FAM53C: variants seen among roughly 807,000 people sequenced by gnomAD.
FAM53C encodes the protein protein FAM53C.
FAM53C carries 10 observed loss-of-function variants against 34.7 expected under a neutral mutation model. The ratio of observed to expected loss-of-function variants is 0.29; its 90% CI spans 0.18 to 0.49. The LOEUF (loss-of-function observed/expected upper bound fraction) is 0.49. Ranked by LOEUF, FAM53C falls within the 20% of genes least tolerant of loss-of-function variation. The pLI is 0.99. For missense variants in FAM53C, 442 were observed against 515.3 expected (o/e 0.86, Z 1.38); for synonymous variants, 203 against 203.6 (o/e 1.00, Z 0.03).
Position 138,344,850 on chromosome 5 carries a change from C to A in FAM53C, c.162C>A (p.Pro54=). ...VSEGASWRGL[P]HCSCAEFQDS... ...AAGGTGCTTCCTGGAGGGGCCTGCC[C>A]CACTGTTCCTGTGCTGAGTTCCAGG... is the stretch of plus-strand genomic sequence containing the variant. The change falls in exon 4 of 5, where the codon CCC becomes CCA. Residue 54 remains proline (P), a synonymous_variant. Transcript: ENST00000239906. 2 of 1,577,842 alleles carry A rather than the reference C, an allele frequency of 1.3e-6. No homozygotes were observed. The highest frequency in any genetic ancestry group is 1.7e-6 in the Non-Finnish European group (2 of 1,161,278).
chr5:138,342,004 A>G, intron 3 of FAM53C, 138 bp downstream of exon 3: 1 of 745,580 alleles, frequency 1.3e-6, no homozygotes, highest in Admixed American at 2.1e-5. Flanking sequence ...TGAGATTGAC[A>G]GTTGTCTTTC....
At chr5:138,344,105 C>T (rs1761104334) in intron 3 of FAM53C, among the ~76,000 whole-genome samples, 1 of 152,162 alleles carries the variant, frequency 6.6e-6, no homozygotes, top group South Asian at 2.1e-4. Flanking sequence ...GTCCATTTTC[C>T]CTTCCTTCTC....
upstream of FAM53C, chr5:138,337,569 G>C (rs1282273775): frequency 9.9e-6 from 2 of 202,358 alleles, no homozygotes; most frequent in Admixed American, 1.3e-4. Context: ...AGAGAGAAGA[G>C]AGGGAGTGAA....
chr5:138,340,214 C>T (rs1385654813), intron 1 of FAM53C, among the ~76,000 whole-genome samples: 1 of 152,174 alleles, frequency 6.6e-6, no homozygotes, highest in Non-Finnish European at 1.5e-5. Context: ...TATGGGTAAA[C>T]TGAGGCCAAG....
At chr5:138,338,164 T>A, upstream of FAM53C, 1 of 1,289,582 alleles carries the variant, frequency 7.8e-7, no homozygotes, top group Non-Finnish European at 1.0e-6. Flanking sequence ...ATGGGTGGCT[T>A]GGGGGGATTC....
intron 3 of FAM53C, chr5:138,343,624 G>C (rs4835780): frequency 0.4 from 60,445 of 151,872 alleles, 12,317 homozygotes; most frequent in East Asian, 0.58. Context: ...ATTAATTACT[G>C]AGTTAAAGGG....
In FAM53C at chr5:138,347,266, C is replaced by T; in HGVS notation, c.*307C>T. On this transcript the variant is annotated 3_prime_UTR_variant, in exon 5 of 5. Coordinates refer to ENST00000239906, the MANE Select transcript of FAM53C (RefSeq NM_016605.3). ...AGGGAAGGAAGGGGTCTGCCGACCC[C>T]AGCTCGGGGAATTTCACTAGCCCCT... 2.5e-6 allele frequency: 1 copy of T among 407,508 alleles called. No homozygotes were observed. Among genetic ancestry groups the T allele is most frequent in the Non-Finnish European group, 4.5e-6 (1 of 223,270 alleles). 25.2% of individuals were successfully genotyped at this position (407,508 alleles called of 1,614,324 possible).
intron 1 of FAM53C, 69 bp downstream of exon 1, chr5:138,338,376 C>A (rs911054460): frequency 2.6e-6 from 1 of 388,008 alleles, no homozygotes; most frequent in Admixed American, 3.6e-5. Flanking sequence ...CCCTCCTTCC[C>A]TCTTTCCCCT....
At chr5:138,338,593 C>T (rs1014893757) in intron 1 of FAM53C, among the ~76,000 whole-genome samples, 138 of 148,278 alleles carry the variant, frequency 9.3e-4, no homozygotes, top group Non-Finnish European at 1.9e-3. Context: ...TGGCGCACCC[C>T]CCCCCCCGCC....
intron 3 of FAM53C, among the ~76,000 whole-genome samples, chr5:138,344,412 G>A (rs917171069): frequency 1.3e-5 from 2 of 152,266 alleles, no homozygotes; most frequent in African/African-American, 4.8e-5. Flanking sequence ...AGCATCCAGG[G>A]CAAGCGTGGG....
At chr5:138,338,505 C>T (rs1383635070) in intron 1 of FAM53C, 198 bp downstream of exon 1, 5 of 280,822 alleles carry the variant, frequency 1.8e-5, no homozygotes, top group South Asian at 2.8e-5. Flanking sequence ...CCATCCCCTG[C>T]GTCCTGAGTT....
At position 138,347,491 on chromosome 5, in the gene FAM53C, C is replaced by T. The variant is rs1290791564; in HGVS notation, c.*532C>T. ...TACCCCCAGGATCTTGAGTTTTTTA[C>T]AGGATGTTGGGTTTGCTCAAGGAGT... On this transcript the variant is annotated 3_prime_UTR_variant, in exon 5 of 5. Coordinates refer to ENST00000239906, the MANE Select transcript of FAM53C (RefSeq NM_016605.3). 1.3e-5 allele frequency: 2 copies of T among 159,710 alleles called. No homozygotes were observed. Among genetic ancestry groups the T allele is most frequent in the African/African-American group, 2.4e-5 (1 of 41,442 alleles). The allele number at this position is 159,710 out of a possible 1,614,324, so 9.9% of individuals were successfully genotyped here.
At chr5:138,346,292 CTTCAA>C (rs1761171994) in intron 4 of FAM53C, among the ~76,000 whole-genome samples, 1 of 152,174 alleles carries the variant, frequency 6.6e-6, no homozygotes, top group Non-Finnish European at 1.5e-5. Context: ...AGCTTCTATT[CTTCAA>C]TTCAATGGAA....
chr5:138,337,613 TC>T, upstream of FAM53C: 3 of 299,490 alleles, frequency 1.0e-5, no homozygotes, highest in Non-Finnish European at 1.9e-5. Context: ...TACAAAGTGT[TC>T]TGGGTGAGGG....
intron 3 of FAM53C, among the ~76,000 whole-genome samples, chr5:138,343,250 C>T (rs1305435550): frequency 1.3e-5 from 2 of 151,848 alleles, no homozygotes; most frequent in Non-Finnish European, 2.9e-5. Context: ...TGACTCATGC[C>T]TGTAATCCCA....
intron 1 of FAM53C, among the ~76,000 whole-genome samples, chr5:138,340,322 T>C (rs545146952): frequency 6.6e-6 from 1 of 152,362 alleles, no homozygotes; most frequent in East Asian, 1.9e-4. Flanking sequence ...ACACACATTC[T>C]CTGGTAAGCT....
intron 2 of FAM53C, 45 bp downstream of exon 2, chr5:138,341,458 T>G (rs899641046): frequency 1.3e-6 from 2 of 1,500,116 alleles, no homozygotes; most frequent in African/African-American, 2.7e-5. Context: ...CCTCCCCCTT[T>G]TTTCTGAGGC....
chr5:138,341,943 G>A, intron 3 of FAM53C, 77 bp downstream of exon 3: 1 of 1,470,536 alleles, frequency 6.8e-7, no homozygotes, highest in East Asian at 2.3e-5. Flanking sequence ...GGTTTCCAGT[G>A]ACCAGGGCTA....
Position 138,344,915 on chromosome 5 carries a change from T to C in FAM53C, c.227T>C (p.Leu76Pro). The C allele has an allele frequency of 6.2e-7, 1 of 1,614,058 alleles. No homozygotes were observed. The highest frequency in any genetic ancestry group is 1.3e-5 in the African/African-American group (1 of 75,048). Residue 76 changes from leucine (L) to proline (P), a missense_variant, in exon 4 of 5, where the codon CTG becomes CCG. Leu to Pro is a moderately conservative substitution (Grantham distance 98). Coordinates refer to ENST00000239906, the MANE Select transcript of FAM53C (RefSeq NM_016605.3). ...AGCTACCATCCCTCAGGCCTGAGCCTGCACCTCAGACCACCCAGTCGGGGA... is the reference window on the plus strand; with the variant it reads ...AGCTACCATCCCTCAGGCCTGAGCCCGCACCTCAGACCACCCAGTCGGGGA... Reference protein sequence around the residue: ...NFSYHPSGLSLHLRPPSRGNS... With the variant: ...NFSYHPSGLSPHLRPPSRGNS...
Sources: gnomAD v4.1 joint callset for allele counts (sites outside exome capture counted in the v4.1 genomes callset) on GRCh38, gnomAD v4.1.1 for gene constraint, MANE v1.5 for transcripts, NCBI Gene and HGNC (gene_info 2026-07-23, HGNC 2026-07-21) for gene names.